The following DCAF17 variants were observed in gnomAD, a reference collection of about 807,000 sequenced individuals.
The protein encoded by DCAF17 is DDB1 and CUL4 associated factor 17.
Under a neutral mutation model 66.0 loss-of-function variants are expected in DCAF17, and 48 were observed. The ratio of observed to expected loss-of-function variants is 0.73; its 90% CI spans 0.58 to 0.92. The LOEUF is 0.92. Among genes scored for constraint, DCAF17 ranks in the 40% least tolerant of loss-of-function variants. DCAF17 has a pLI of 0.00. For synonymous variants in DCAF17, 206 were observed against 214.6 expected (o/e 0.96, Z 0.35); for missense variants, 562 against 622.8 (o/e 0.90, Z 1.04).
intron 10 of DCAF17, 87 bp from the exon 11 acceptor site, chr2:171,476,773 T>C: frequency 1.1e-6 from 1 of 874,118 alleles, no homozygotes. Flanking sequence ...AATTTTTATT[T>C]GTTGAGTTTT....
rs757742700 is a variant in DCAF17, at chr2:171,483,684, A to G, written c.*2570A>G. On this transcript the variant is annotated 3_prime_UTR_variant, in exon 14 of 14. Transcript: ENST00000375255. Reference sequence around the variant, plus strand: ...ATAATATATTTATTGAGCACTTTCTATCTACTAGTCACTGTGATACAGTAT... The same window carrying G: ...ATAATATATTTATTGAGCACTTTCTGTCTACTAGTCACTGTGATACAGTAT... 6 of 453,868 alleles carry G rather than the reference A, an allele frequency of 1.3e-5. No individual in the cohort carries two copies. Among genetic ancestry groups the G allele is most frequent in the African/African-American group, 8.0e-5 (4 of 49,980 alleles). 28.1% of individuals were successfully genotyped at this position (453,868 alleles called of 1,614,324 possible). A position where few individuals can be genotyped will look rare whatever the true frequency, so the allele number is the denominator to read the frequency against.
At chr2:171,446,314 G>T (rs1274925781) in intron 3 of DCAF17, among the ~76,000 whole-genome samples, 1 of 152,068 alleles carries the variant, frequency 6.6e-6, no homozygotes, top group Non-Finnish European at 1.5e-5. Context: ...TTGGGAGGCC[G>T]AGGCGGGCAG....
At chr2:171,465,644 T>C (rs1695857209) in intron 8 of DCAF17, among the ~76,000 whole-genome samples, 1 of 151,790 alleles carries the variant, frequency 6.6e-6, no homozygotes, top group African/African-American at 2.4e-5. Context: ...CACACCTGGC[T>C]AATTGTTTTT....
intron 8 of DCAF17, among the ~76,000 whole-genome samples, chr2:171,466,336 T>C (rs1695896793): frequency 6.6e-6 from 1 of 152,240 alleles, no homozygotes; most frequent in Admixed American, 6.5e-5. Context: ...TAAAGTATTA[T>C]TTGACCTTTC....
At position 171,480,982 on chromosome 2, in the gene DCAF17, C is replaced by T. The variant is rs1574409812; in HGVS notation, c.1431C>T (p.Ser477=). Reference sequence around the variant, plus strand: ...ATTGTGTTTTGTTACAGACATATAGCCATGAAGTCTACTTTGACAGAGACT... The same window carrying T: ...ATTGTGTTTTGTTACAGACATATAGTCATGAAGTCTACTTTGACAGAGACT... ...PLVESWDVTY[S]HEVYFDRDLV... The change falls in exon 14 of 14, where the codon AGC becomes AGT. Residue 477 remains serine (S), a synonymous_variant. Coordinates refer to ENST00000375255, the MANE Select transcript of DCAF17 (RefSeq NM_025000.4). 6.2e-7 allele frequency: 1 copy of T among 1,613,600 alleles called. No individual in the cohort carries two copies.
intron 3 of DCAF17, among the ~76,000 whole-genome samples, chr2:171,443,974 AGTTATTTTAC>A (rs1036067338): frequency 1.2e-4 from 18 of 152,316 alleles, no homozygotes; most frequent in Admixed American, 3.3e-4. Flanking sequence ...TTAGAGCAAC[AGTTATTTTAC>A]GTTATTTTAC....
chr2:171,476,805 C>T (rs748768583), intron 10 of DCAF17, 55 bp from the exon 11 acceptor site: 12 of 1,320,232 alleles, frequency 9.1e-6, no homozygotes, highest in Non-Finnish European at 1.3e-5. Flanking sequence ...TAAACTTTGG[C>T]ACCTTGATGG....
chr2:171,450,531 C>T lies in DCAF17; in HGVS notation c.537+574C>T, dbSNP rs560066295. ...AAGTCTGGAAATTTATATCAAGAAACTTTTTGTTTCTATTGGTGACTTATG... is the reference window on the plus strand; with the variant it reads ...AAGTCTGGAAATTTATATCAAGAAATTTTTTGTTTCTATTGGTGACTTATG... On this transcript the variant is annotated intron_variant, in intron 5 of 13. Coordinates refer to ENST00000375255, the MANE Select transcript of DCAF17 (RefSeq NM_025000.4). Among the ~76,000 whole-genome samples, 13 of 151,632 alleles carry T rather than the reference C, an allele frequency of 8.6e-5. No individual in the cohort carries two copies. The East Asian group carries it at 1.7e-3, about 20-fold the overall frequency.
chr2:171,474,988 A>G (rs1399855547), intron 10 of DCAF17, among the ~76,000 whole-genome samples: 9 of 152,182 alleles, frequency 5.9e-5, no homozygotes, highest in Admixed American at 5.9e-4. Flanking sequence ...AAATATAAAA[A>G]CCTATGCAAG....
At chr2:171,478,178 G>A (rs952195679) in intron 12 of DCAF17, 108 bp downstream of exon 12, 4 of 979,476 alleles carry the variant, frequency 4.1e-6, no homozygotes, top group Non-Finnish European at 6.5e-6. Flanking sequence ...TTGAGGGGTT[G>A]CAGGCAGGCC....
At chr2:171,458,875 C>G (rs1695413400) in intron 8 of DCAF17, among the ~76,000 whole-genome samples, 1 of 152,082 alleles carries the variant, frequency 6.6e-6, no homozygotes, top group African/African-American at 2.4e-5. Flanking sequence ...TTTACCATGA[C>G]ATCTGAACAT....
chr2:171,480,303 A>G, intron 13 of DCAF17, 110 bp downstream of exon 13: 1 of 1,374,678 alleles, frequency 7.3e-7, no homozygotes, highest in Non-Finnish European at 1.0e-6. Context: ...TATGCCAATG[A>G]CCATGTGAAA....
chr2:171,449,811 T>C, intron 4 of DCAF17, 68 bp from the exon 5 acceptor site: 1 of 958,974 alleles, frequency 1.0e-6, no homozygotes. Flanking sequence ...TTATAAAATA[T>C]AATATTTTGG....
intron 5 of DCAF17, among the ~76,000 whole-genome samples, chr2:171,451,987 AG>A (rs903196129): frequency 2.0e-5 from 3 of 152,172 alleles, no homozygotes; most frequent in Admixed American, 2.0e-4. Context: ...CCAGCCAACA[AG>A]TAGTAGCTCT....
At chr2:171,480,394 C>A (rs1483788775) in intron 13 of DCAF17, among the ~76,000 whole-genome samples, 1 of 150,918 alleles carries the variant, frequency 6.6e-6, no homozygotes, top group East Asian at 2.0e-4. Flanking sequence ...TTACCAGTGG[C>A]CTTAAAGATA....
chr2:171,475,178 T>A (rs1696439422), intron 10 of DCAF17, among the ~76,000 whole-genome samples: 1 of 152,188 alleles, frequency 6.6e-6, no homozygotes. Flanking sequence ...CTGTTCTGCC[T>A]AATTTCTATT....
chr2:171,447,679 T>G lies in DCAF17; in HGVS notation c.322-1002T>G, dbSNP rs1156923780. On this transcript the variant is annotated intron_variant, in intron 3 of 13. Coordinates refer to ENST00000375255, the MANE Select transcript of DCAF17 (RefSeq NM_025000.4). ...ACCTAGCCACTTCTTTTTTTCCTTT[T>G]TATCTAGAAACAGAGTCTTGCTGTG... Among the ~76,000 whole-genome samples, 3 of 152,184 alleles carry G rather than the reference T, an allele frequency of 2.0e-5. 1 individual carries two copies. In the East Asian group the frequency reaches 5.8e-4, roughly 29 times the overall value.
At chr2:171,462,559 T>C (rs905600133) in intron 8 of DCAF17, among the ~76,000 whole-genome samples, 2 of 152,234 alleles carry the variant, frequency 1.3e-5, no homozygotes, top group African/African-American at 4.8e-5. Flanking sequence ...GAACTTTCGA[T>C]ACAATATGGT....
chr2:171,474,205 G>A (rs1395377662), intron 10 of DCAF17: 1 of 536,934 alleles, frequency 1.9e-6, no homozygotes, highest in East Asian at 3.4e-5. Flanking sequence ...TGATATGCAA[G>A]TAAAAGGGAA....
Sources: gnomAD v4.1 joint callset for allele counts (sites outside exome capture counted in the v4.1 genomes callset) on GRCh38, gnomAD v4.1.1 for gene constraint, MANE v1.5 for transcripts, NCBI Gene and HGNC (gene_info 2026-07-23, HGNC 2026-07-21) for gene names.